The following KMT2E variants were observed in gnomAD, a reference collection of about 807,000 sequenced individuals.
The protein encoded by KMT2E is lysine methyltransferase 2E (inactive).
In KMT2E, 30 loss-of-function variants were observed where a neutral mutation model predicts 184.6. The ratio of observed to expected loss-of-function variants is 0.16; its 90% CI spans 0.12 to 0.22. The LOEUF (loss-of-function observed/expected upper bound fraction) is 0.22. Ranked by LOEUF, KMT2E falls within the 10% of genes least tolerant of loss-of-function variation. The pLI, the probability that KMT2E is intolerant of heterozygous loss-of-function variation, is 1.00. For synonymous variants in KMT2E, 815 were observed against 776.5 expected (o/e 1.05, Z -0.82); for missense variants, 2,023 against 2,237.4 (o/e 0.90, Z 1.93).
chr7:105,094,340 G>A (rs959167141), intron 15 of KMT2E, among the ~76,000 whole-genome samples: 1 of 152,102 alleles, frequency 6.6e-6, no homozygotes, highest in Non-Finnish European at 1.5e-5. Context: ...AGAAACTTAC[G>A]TCAAACTGAT....
In KMT2E at chr7:105,057,249, A is replaced by G. The variant is rs566363027; in HGVS notation, c.72-4915A>G. On this transcript the variant is annotated intron_variant, in intron 3 of 26. Coordinates refer to ENST00000311117, the MANE Select transcript of KMT2E (RefSeq NM_182931.3). Reference sequence around the variant, plus strand: ...GCGATAGACTACTATTCTTGCTGGCACCCAGTGTATAGAGATTCTAAATGT... The same window carrying G: ...GCGATAGACTACTATTCTTGCTGGCGCCCAGTGTATAGAGATTCTAAATGT... Among the ~76,000 whole-genome samples the G allele has an allele frequency of 3.9e-5, 6 of 152,320 alleles. No homozygotes were observed. In the East Asian group the frequency reaches 1.2e-3, roughly 29 times the overall value.
intron 17 of KMT2E, chr7:105,104,916 C>T (rs1400549276): frequency 6.6e-6 from 1 of 152,424 alleles, no homozygotes; most frequent in Non-Finnish European, 1.5e-5. Flanking sequence ...CACCTGTAAA[C>T]TCAGCACTTT....
At chr7:105,091,603 C>A (rs886470994) in intron 15 of KMT2E, 6 of 509,390 alleles carry the variant, frequency 1.2e-5, no homozygotes, top group Non-Finnish European at 2.1e-5. Context: ...AATTTTAATG[C>A]CACAATTACT....
At position 105,106,730 on chromosome 7, in the gene KMT2E, C is replaced by T. The variant is rs1798912785; in HGVS notation, c.2805C>T (p.Thr935=). The T allele has an allele frequency of 1.2e-6, 2 of 1,612,882 alleles. No homozygotes were observed. Among genetic ancestry groups the T allele is most frequent in the East Asian group, 2.2e-5 (1 of 44,858 alleles). ...ATAAACCCATATATTCACCAGTTACCCCAGTAACTCCTGGTACACCAGGAA... is the reference window on the plus strand; with the variant it reads ...ATAAACCCATATATTCACCAGTTACTCCAGTAACTCCTGGTACACCAGGAA... ...NGYKPIYSPV[T]PVTPGTPGNT... is the part of the protein sequence containing the mutation. Residue 935 remains threonine (T), a synonymous_variant, in exon 20 of 27, where the codon ACC becomes ACT. Transcript: ENST00000311117.
At chr7:105,022,881 G>T (rs1033124526) in intron 1 of KMT2E, among the ~76,000 whole-genome samples, 5 of 152,138 alleles carry the variant, frequency 3.3e-5, no homozygotes, top group Middle Eastern at 3.4e-3. Flanking sequence ...TTTCTGTAAG[G>T]CATATGGGCT....
At chr7:105,015,235 C>G (rs920305328) in intron 1 of KMT2E, among the ~76,000 whole-genome samples, 2 of 152,122 alleles carry the variant, frequency 1.3e-5, no homozygotes, top group African/African-American at 4.8e-5. Flanking sequence ...TTCAGAAAAG[C>G]TTATTTTGAC....
intron 13 of KMT2E, among the ~76,000 whole-genome samples, chr7:105,085,341 G>T (rs185079522): frequency 1.3e-5 from 2 of 152,282 alleles, no homozygotes; most frequent in Admixed American, 6.5e-5. Context: ...CTGAGGTCAG[G>T]GGTTCAAAAC....
chr7:105,075,717 C>G (rs371274612), intron 8 of KMT2E, among the ~76,000 whole-genome samples: 2 of 151,306 alleles, frequency 1.3e-5, no homozygotes, highest in African/African-American at 2.4e-5. Flanking sequence ...TGCTATGTTG[C>G]CCAGGCTGGA....
At chr7:105,059,247 C>A (rs1444694189) in intron 3 of KMT2E, among the ~76,000 whole-genome samples, 1 of 152,154 alleles carries the variant, frequency 6.6e-6, no homozygotes, top group Non-Finnish European at 1.5e-5. Context: ...AAGTTTTGCC[C>A]ACACCTTTTA....
rs780422480 is a variant in KMT2E, at chr7:105,113,598, ATCT to A, written c.*267_*269del. 4.4e-4 allele frequency: 124 copies of A among 280,498 alleles called. 1 individual carries two copies. The highest frequency in any genetic ancestry group is 8.9e-4 in the South Asian group (12 of 13,498). 17.4% of individuals were successfully genotyped at this position (280,498 alleles called of 1,614,324 possible). ...TCTGATGCTGATTTGATGCTGTATG[ATCT>A]TTTTTTTTTTTTTAGTTAAATTCAT... On this transcript the variant is annotated 3_prime_UTR_variant, in exon 27 of 27. Transcript: ENST00000311117.
At chr7:105,052,956 C>G (rs1003890642) in intron 3 of KMT2E, among the ~76,000 whole-genome samples, 9 of 152,124 alleles carry the variant, frequency 5.9e-5, no homozygotes, top group African/African-American at 2.2e-4. Flanking sequence ...CATATCCTAA[C>G]TATACTTCAG....
chr7:105,039,171 G>GC (rs1183215357), intron 2 of KMT2E: 1 of 152,166 alleles, frequency 6.6e-6, no homozygotes, highest in Non-Finnish European at 1.5e-5. Context: ...TATGTCCCAG[G>GC]CACTGTGCAG....
At position 105,062,079 on chromosome 7, in the gene KMT2E, TGTAA is replaced by T. The variant is rs1376792259; in HGVS notation, c.72-81_72-78del. 2.7e-5 allele frequency: 23 copies of T among 849,232 alleles called. No homozygotes were observed. In the Admixed American group the frequency reaches 3.1e-4, roughly 12 times the overall value. The allele number at this position is 849,232 out of a possible 1,614,324, so 52.6% of individuals were successfully genotyped here. A position where few individuals can be genotyped will look rare whatever the true frequency, so the allele number is the denominator to read the frequency against. On this transcript the variant is annotated intron_variant, in intron 3 of 26. Transcript: ENST00000311117. ...TGTATTTGTATAGCCATTATTTTGCTGTAAGTACTTTATCATTTTAATTAAATTG... is the reference window on the plus strand; with the variant it reads ...TGTATTTGTATAGCCATTATTTTGCTGTACTTTATCATTTTAATTAAATTG...
At position 105,105,668 on chromosome 7, in the gene KMT2E, A is replaced by G. The variant is rs145944822; in HGVS notation, c.2426A>G (p.Glu809Gly). The G allele has an allele frequency of 1.7e-5, 28 of 1,603,094 alleles. No homozygotes were observed. Among genetic ancestry groups the G allele is most frequent in the Non-Finnish European group, 2.3e-5 (27 of 1,177,504 alleles). Residue 809 changes from glutamate to glycine, a missense_variant, in exon 18 of 27, where the codon GAA becomes GGA. By Grantham distance (98) the Glu-to-Gly change is moderately conservative. Transcript: ENST00000311117. Reference sequence around the variant, plus strand: ...AAAAGGAGAAGAAAAGAACCTACTGAAAACATTTCTGGTTCATGCAAGAAG... The same window carrying G: ...AAAAGGAGAAGAAAAGAACCTACTGGAAACATTTCTGGTTCATGCAAGAAG... ...SEKRRRKEPT[E>G]NISGSCKKRW...
chr7:105,113,525 G>T lies in KMT2E; in HGVS notation c.*192G>T. The stretch of plus-strand genomic sequence containing the variant: ...AAATGTGCTGTTAAGCCAGTATTAG[G>T]TATCTTTATTTTGTAAGTGAACATT... On this transcript the variant is annotated 3_prime_UTR_variant, in exon 27 of 27. Coordinates refer to ENST00000311117, the MANE Select transcript of KMT2E (RefSeq NM_182931.3). 1 of 544,830 alleles carries T rather than the reference G, an allele frequency of 1.8e-6. No individual in the cohort carries two copies. The highest frequency in any genetic ancestry group is 3.0e-6 in the Non-Finnish European group (1 of 329,472). The allele number at this position is 544,830 out of a possible 1,614,324, so 33.7% of individuals were successfully genotyped here.
chr7:105,048,457 GA>G (rs1350974340), intron 3 of KMT2E, among the ~76,000 whole-genome samples: 1 of 151,952 alleles, frequency 6.6e-6, no homozygotes, highest in Non-Finnish European at 1.5e-5. Context: ...TATTTAAGGG[GA>G]TAGAGTTTTA....
At chr7:105,107,090 T>A in intron 20 of KMT2E, 76 bp from the exon 21 acceptor site, 1 of 840,934 alleles carries the variant, frequency 1.2e-6, no homozygotes, top group South Asian at 1.9e-5. Context: ...TTTCATTTTG[T>A]TTTCATTTCT....
At position 105,065,400 on chromosome 7, in the gene KMT2E, A is replaced by G. The variant is rs1796987221; in HGVS notation, c.417-1327A>G. On this transcript the variant is annotated intron_variant, in intron 5 of 26. Coordinates refer to ENST00000311117, the MANE Select transcript of KMT2E (RefSeq NM_182931.3). ...TTTTTTCCACTTTGATATATATTTCACATTCTGTCAGTTCTTGCCCCAACA... is the reference window on the plus strand; with the variant it reads ...TTTTTTCCACTTTGATATATATTTCGCATTCTGTCAGTTCTTGCCCCAACA... 2.0e-5 allele frequency among the ~76,000 whole-genome samples: 3 copies of G among 152,074 alleles called. No individual in the cohort carries two copies. In the South Asian group the frequency reaches 6.2e-4, roughly 32 times the overall value.
Position 105,090,220 on chromosome 7 carries a change from G to C in KMT2E, c.1570G>C (p.Glu524Gln). The C allele has an allele frequency of 6.2e-7, 1 of 1,605,726 alleles. No individual in the cohort carries two copies. The highest frequency in any genetic ancestry group is 8.5e-7 in the Non-Finnish European group (1 of 1,178,222). The change falls in exon 14 of 27, where the codon GAA becomes CAA. Residue 524 changes from glutamate (E) to glutamine (Q), a missense_variant. This residue lies in a region of KMT2E where 514 missense variants were observed against 621.8 expected (regional missense o/e 0.83). Transcript: ENST00000311117. ...AACGACCAACAAAATGAAGAGCCCA[G>C]AAACTAAACAAAGAAAGCTTTCTCC... ...EGTTNKMKSP[E>Q]TKQRKLSPLR...
Sources: allele counts gnomAD v4.1 joint callset (sites outside exome capture counted in the v4.1 genomes callset), GRCh38; gene constraint gnomAD v4.1.1; regional missense constraint gnomAD v4.1.1; transcripts MANE v1.5; gene names NCBI Gene and HGNC (gene_info 2026-07-23, HGNC 2026-07-21).